CCDC178: variants seen among roughly 807,000 people sequenced by gnomAD.
The protein encoded by CCDC178 is coiled-coil domain-containing protein 178.
CCDC178 carries 126 observed loss-of-function variants against 117.4 expected under a neutral mutation model. The ratio of observed to expected loss-of-function variants is 1.07; its 90% CI spans 0.93 to 1.24. The LOEUF (loss-of-function observed/expected upper bound fraction) is 1.24. Among genes scored for constraint, CCDC178 ranks in the 50% most tolerant of loss-of-function variants. The pLI is 0.00. For missense variants in CCDC178, 1,030 were observed against 986.9 expected (o/e 1.04, Z -0.59); for synonymous variants, 283 against 313.4 (o/e 0.90, Z 1.02).
At chr18:33,207,300 A>T (rs1304923205) in intron 20 of CCDC178, among the ~76,000 whole-genome samples, 2 of 152,148 alleles carry the variant, frequency 1.3e-5, no homozygotes, top group African/African-American at 4.8e-5. Context: ...AGACCAATAG[A>T]TATTCTAAAT....
At chr18:33,193,845 T>C (rs1455479293) in intron 20 of CCDC178, among the ~76,000 whole-genome samples, 2 of 152,200 alleles carry the variant, frequency 1.3e-5, no homozygotes, top group African/African-American at 4.8e-5. Flanking sequence ...CTGGGTAATA[T>C]ATAATCAACA....
chr18:32,943,159 T>C (rs1398003198), intron 22 of CCDC178, among the ~76,000 whole-genome samples: 1 of 152,124 alleles, frequency 6.6e-6, no homozygotes, highest in Non-Finnish European at 1.5e-5. Context: ...GAGAGGAAAA[T>C]AATCACATCT....
In CCDC178 at chr18:33,397,174, C is replaced by G; in HGVS notation, c.93G>C (p.Glu31Asp). Residue 31 changes from glutamate to aspartate, a missense_variant, in exon 4 of 23, where the codon GAG becomes GAC. Glu to Asp is a conservative substitution (Grantham distance 45). Transcript: ENST00000383096. ...LTCQEVKALR[E>D]KAWSRTNEGN... ...CTTCATTTGTCCTTGACCATGCCTT[C>G]TCTCTGAGAGCCTTTACTTCCTGAC... is the stretch of plus-strand genomic sequence containing the variant. The G allele has an allele frequency of 6.2e-7, 1 of 1,607,026 alleles. No individual in the cohort carries two copies. The highest frequency in any genetic ancestry group is 1.3e-5 in the African/African-American group (1 of 74,850).
chr18:33,169,412 G>C (rs553772120), intron 20 of CCDC178, among the ~76,000 whole-genome samples: 1 of 152,114 alleles, frequency 6.6e-6, no homozygotes, highest in Non-Finnish European at 1.5e-5. Flanking sequence ...ACAGAATGTG[G>C]TGGGTCACTA....
chr18:33,385,995 A>C (rs573844108), intron 5 of CCDC178, among the ~76,000 whole-genome samples: 2 of 152,314 alleles, frequency 1.3e-5, no homozygotes, highest in African/African-American at 4.8e-5. Flanking sequence ...TCAAATAAAC[A>C]ATCAGAAACG....
chr18:33,148,000 C>G (rs1025005402), intron 20 of CCDC178, among the ~76,000 whole-genome samples: 1 of 151,726 alleles, frequency 6.6e-6, no homozygotes, highest in Non-Finnish European at 1.5e-5. Context: ...GGCTGCCCCC[C>G]ACCTCCCTCC....
intron 21 of CCDC178, among the ~76,000 whole-genome samples, chr18:33,026,383 T>G (rs2056229289): frequency 6.6e-6 from 1 of 152,070 alleles, no homozygotes; most frequent in Non-Finnish European, 1.5e-5. Context: ...CACAAAATCT[T>G]TCTGCATTAT....
chr18:33,116,143 G>A (rs1176720806), intron 20 of CCDC178, among the ~76,000 whole-genome samples: 1 of 152,048 alleles, frequency 6.6e-6, no homozygotes, highest in Non-Finnish European at 1.5e-5. Context: ...CAACCCAGGA[G>A]AGTCTGCAAA....
At chr18:33,272,220 G>C (rs2059899234) in intron 12 of CCDC178, among the ~76,000 whole-genome samples, 1 of 151,374 alleles carries the variant, frequency 6.6e-6, no homozygotes, top group South Asian at 2.1e-4. Flanking sequence ...AAATTCAAGA[G>C]AGAGTATTGC....
chr18:32,940,354 CT>C (rs1207485068), intron 22 of CCDC178, among the ~76,000 whole-genome samples: 1 of 151,724 alleles, frequency 6.6e-6, no homozygotes, highest in East Asian at 1.9e-4. Flanking sequence ...TCTTTTTTTG[CT>C]TCTTGCAAAC....
At chr18:33,284,909 G>A (rs915616512) in intron 12 of CCDC178, among the ~76,000 whole-genome samples, 2 of 150,680 alleles carry the variant, frequency 1.3e-5, no homozygotes, top group African/African-American at 4.9e-5. Flanking sequence ...CTTGGGGAAA[G>A]AAAGAATGCA....
chr18:33,111,623 A>G (rs1323450251), intron 20 of CCDC178, among the ~76,000 whole-genome samples: 1 of 151,686 alleles, frequency 6.6e-6, no homozygotes, highest in African/African-American at 2.4e-5. Context: ...CTCCATGGAT[A>G]ACAGAAAAAT....
rs904900737 is a variant in CCDC178, at chr18:33,391,403, A to G, written c.119-1774T>C. Among the ~76,000 whole-genome samples the G allele has an allele frequency of 2.0e-5, 3 of 152,124 alleles. No individual in the cohort carries two copies. In the South Asian group the frequency reaches 6.2e-4, roughly 31 times the overall value. On this transcript the variant is annotated intron_variant, in intron 4 of 22. Coordinates refer to ENST00000383096, the MANE Select transcript of CCDC178 (RefSeq NM_001105528.4). ...CACCGTCATTCATCTGTGGCATATGAAGTTCAGAATAACAAAATGACATAC... is the reference window on the plus strand; with the variant it reads ...CACCGTCATTCATCTGTGGCATATGGAGTTCAGAATAACAAAATGACATAC...
intron 22 of CCDC178, among the ~76,000 whole-genome samples, chr18:32,972,630 G>T (rs1013433232): frequency 2.0e-5 from 3 of 152,024 alleles, no homozygotes; most frequent in Non-Finnish European, 4.4e-5. Flanking sequence ...ACAGGGAAGA[G>T]TATAAACACA....
chr18:33,316,428 G>A (rs530879752), intron 11 of CCDC178, among the ~76,000 whole-genome samples: 1 of 152,092 alleles, frequency 6.6e-6, no homozygotes, highest in Non-Finnish European at 1.5e-5. Context: ...GCAGCGCTCC[G>A]GACCTGCAGC....
chr18:33,210,092 CA>C (rs1222340938), intron 20 of CCDC178, among the ~76,000 whole-genome samples: 1 of 151,928 alleles, frequency 6.6e-6, no homozygotes, highest in African/African-American at 2.4e-5. Flanking sequence ...CAAAATTATC[CA>C]AAAAGCATCT....
chr18:33,424,893 T>C (rs911077979), intron 2 of CCDC178, among the ~76,000 whole-genome samples: 31 of 152,170 alleles, frequency 2.0e-4, no homozygotes, highest in Non-Finnish European at 8.8e-5. Context: ...TATCTGCCCA[T>C]CCACTCACTC....
At chr18:33,015,392 C>T (rs897059207) in intron 21 of CCDC178, among the ~76,000 whole-genome samples, 1 of 151,882 alleles carries the variant, frequency 6.6e-6, no homozygotes, top group African/African-American at 2.4e-5. Context: ...GGTGAAACCC[C>T]GTCTCTATTA....
rs182811077 is a variant in CCDC178 at position 33,151,051 on chromosome 18, G to T, written c.2239-58141C>A. Among the ~76,000 whole-genome samples the T allele has an allele frequency of 1.8e-3, 280 of 152,260 alleles. 2 individuals carry two copies. Among genetic ancestry groups the T allele is most frequent in the African/African-American group, 6.3e-3 (263 of 41,560 alleles). ...TAAGTGGGAGTTAAGCTATGAGGAT[G>T]CAAAGGCATAAGAATGATATAATGA... On this transcript the variant is annotated intron_variant, in intron 20 of 22. Transcript: ENST00000383096.
Sources: gnomAD v4.1 joint callset for allele counts (sites outside exome capture counted in the v4.1 genomes callset) on GRCh38, gnomAD v4.1.1 for gene constraint, MANE v1.5 for transcripts, NCBI Gene and HGNC (gene_info 2026-07-23, HGNC 2026-07-21) for gene names.